The following SH2D3C variants were observed in gnomAD, a reference collection of about 807,000 sequenced individuals.
The protein encoded by SH2D3C is SH2 domain-containing protein 3C.
Under a neutral mutation model 75.2 loss-of-function variants are expected in SH2D3C, and 25 were observed. That is an observed-to-expected ratio of 0.33 (90% CI 0.24 to 0.46). The LOEUF (loss-of-function observed/expected upper bound fraction) is 0.46. Ranked by LOEUF, SH2D3C falls within the 20% of genes least tolerant of loss-of-function variation. The probability of loss-of-function intolerance (pLI) is 1.00; values close to 1 mark genes in which losing one functional copy is unlikely to be tolerated. For synonymous variants in SH2D3C, 450 were observed against 473.7 expected, an observed-to-expected ratio of 0.95 and a Z score of 0.65; for missense variants, 933 against 1,165.3, an observed-to-expected ratio of 0.80 and a Z score of 2.90.
Position 127,739,028 on chromosome 9 carries a change from G to T in SH2D3C, c.2408-107C>A. ...GGGACCTCCCCTCAACTCCGCCAGG[G>T]ATCCAACAAGGTTTGTGAATCAACA... On this transcript the variant is annotated intron_variant, in intron 11 of 11. Transcript: ENST00000314830. This position sits in a 1 kb window ranked among gnomAD's most constrained non-coding sequence, Gnocchi z 4.3. 9.9e-7 allele frequency: 1 copy of T among 1,006,438 alleles called. No individual in the cohort carries two copies. Among genetic ancestry groups the T allele is most frequent in the Non-Finnish European group, 1.4e-6 (1 of 727,792 alleles). 62.3% of individuals were successfully genotyped at this position (1,006,438 alleles called of 1,614,324 possible).
rs1844780641 is a variant in SH2D3C at position 127,739,420 on chromosome 9, G to A, written c.2407+262C>T. Among the ~76,000 whole-genome samples the A allele has an allele frequency of 6.6e-6, 1 of 152,072 alleles. No homozygotes were observed. The highest frequency in any genetic ancestry group is 2.4e-5 in the African/African-American group (1 of 41,386). ...AGCTACTCGGGAGGCTGAGGCAGGA[G>A]AATCGCTTGAACTTGGGAGGCGGAG... On this transcript the variant is annotated intron_variant, in intron 11 of 11. Transcript: ENST00000314830. The surrounding 1 kb of genome is among the most constrained non-coding windows in gnomAD (Gnocchi z 4.3).
chr9:127,739,682 C>G lies in SH2D3C; in HGVS notation c.2407G>C (p.Gly803Arg). 1 of 1,599,644 alleles carries G rather than the reference C, an allele frequency of 6.3e-7. No homozygotes were observed. The highest frequency in any genetic ancestry group is 8.5e-7 in the Non-Finnish European group (1 of 1,170,840). ...YHTNAEVKLQ[G>R]FQARPELLEV... ...CCCCAAGATGCCACCCGCCACTCAC[C>G]CTGCAGCTTGACTTCAGCATTGGTG... The change falls in exon 11 of 12, where the codon GGG (glycine) becomes CGG (arginine). Residue 803 changes from glycine to arginine, a missense_variant and splice_region_variant. Coordinates refer to ENST00000314830, the MANE Select transcript of SH2D3C (RefSeq NM_170600.3). The surrounding 1 kb of genome is among the most constrained non-coding windows in gnomAD (Gnocchi z 4.3).
At position 127,741,804 on chromosome 9, in the gene SH2D3C, G is replaced by A; in HGVS notation, c.2072C>T (p.Ala691Val). ...TCTCAGTACCTGGGCCATGTCCAGG[G>A]CACCCATGACCGCCGCGAAGCTGAA... The part of the protein sequence containing the change: ...NMFSFAAVMG[A>V]LDMAQISRLE... Residue 691 changes from alanine (A) to valine (V), a missense_variant, in exon 9 of 12, where the codon GCC (alanine) becomes GTC (valine). Coordinates refer to ENST00000314830, the MANE Select transcript of SH2D3C (RefSeq NM_170600.3). The A allele has an allele frequency of 2.5e-6, 4 of 1,613,142 alleles. No homozygotes were observed. Among genetic ancestry groups the A allele is most frequent in the Non-Finnish European group, 3.4e-6 (4 of 1,179,948 alleles).
intron 5 of SH2D3C, 27 bp from the exon 6 acceptor site, chr9:127,747,298 G>A: frequency 6.2e-7 from 1 of 1,604,080 alleles, no homozygotes; most frequent in Non-Finnish European, 8.5e-7. Context: ...ATCATGGGCA[G>A]GGAGCCCGGA....
chr9:127,748,185 GAGTA>G, intron 5 of SH2D3C, among the ~76,000 whole-genome samples: 1 of 152,300 alleles, frequency 6.6e-6, no homozygotes, highest in South Asian at 2.1e-4. Context: ...CTAGCAGGAA[GAGTA>G]GTGAGCCTTA....
chr9:127,761,636 G>T lies in SH2D3C; in HGVS notation c.530C>A (p.Pro177Gln), dbSNP rs1194041627. ...CTTCACATAGTCGCTGCCAGCCTCT[G>T]GCTCTCCAGCAGCCCTGGAAGGAGA... ...DVHSERAAGE[P>Q]EAGSDYVKFS... Residue 177 changes from proline to glutamine, a missense_variant, in exon 3 of 12, where the codon CCA becomes CAA. By Grantham distance (76) the Pro-to-Gln change is moderately conservative. Transcript: ENST00000314830. 6.2e-7 allele frequency: 1 copy of T among 1,612,240 alleles called. No individual in the cohort carries two copies. Among genetic ancestry groups the T allele is most frequent in the South Asian group, 1.1e-5 (1 of 90,698 alleles).
intron 1 of SH2D3C, among the ~76,000 whole-genome samples, chr9:127,777,502 T>C (rs7862620): frequency 0.042 from 3,968 of 94,168 alleles, 247 homozygotes; most frequent in African/African-American, 0.14. Flanking sequence ...GATCCCATGA[T>C]GCCCCCATCC....
At chr9:127,767,033 CG>C (rs1564424010) in intron 2 of SH2D3C, 1 of 1,536,174 alleles carries the variant, frequency 6.5e-7, no homozygotes, top group Non-Finnish European at 8.7e-7. Flanking sequence ...GATTCCCTGC[CG>C]GGAAGGCTCT....
chr9:127,744,532 T>G (rs1844964860), intron 7 of SH2D3C, 32 bp downstream of exon 7: 1 of 1,572,850 alleles, frequency 6.4e-7, no homozygotes, highest in Non-Finnish European at 8.7e-7. Flanking sequence ...ACAGAGATGC[T>G]CCCTCCACCC....
intron 8 of SH2D3C, 78 bp downstream of exon 8, chr9:127,742,771 G>T: frequency 3.5e-6 from 4 of 1,135,020 alleles, no homozygotes; most frequent in Non-Finnish European, 5.0e-6. Context: ...GGCTGTGATT[G>T]GCCAACCCGC....
intron 5 of SH2D3C, among the ~76,000 whole-genome samples, chr9:127,748,550 C>A (rs936375455): frequency 6.6e-6 from 1 of 152,196 alleles, no homozygotes; most frequent in Admixed American, 6.5e-5. Context: ...CGGCTTCCCC[C>A]CTCTAAGCCT....
At chr9:127,755,281 T>C (rs1477916745) in intron 3 of SH2D3C, 2 of 666,568 alleles carry the variant, frequency 3.0e-6, no homozygotes, top group African/African-American at 4.1e-5. Flanking sequence ...GATTACCTCA[T>C]CGCCTTGTCG....
chr9:127,757,781 G>A (rs911464466), intron 3 of SH2D3C, among the ~76,000 whole-genome samples: 3 of 151,906 alleles, frequency 2.0e-5, no homozygotes, highest in African/African-American at 7.3e-5. Context: ...ATCCTCCTGA[G>A]TAGCTGGGAT....
At chr9:127,761,774 C>A in intron 2 of SH2D3C, 124 bp from the exon 3 acceptor site, 1 of 691,070 alleles carries the variant, frequency 1.4e-6, no homozygotes, top group Non-Finnish European at 2.4e-6. Flanking sequence ...ACCCTGAAGG[C>A]AGGAGGGGGC....
At position 127,738,564 on chromosome 9, in the gene SH2D3C, A is replaced by G. The variant is rs1588484765; in HGVS notation, c.*182T>C. 1 of 514,118 alleles carries G rather than the reference A, an allele frequency of 1.9e-6. No homozygotes were observed. The highest frequency in any genetic ancestry group is 3.6e-5 in the East Asian group (1 of 27,860). 31.8% of individuals were successfully genotyped at this position (514,118 alleles called of 1,614,324 possible). On this transcript the variant is annotated 3_prime_UTR_variant, in exon 12 of 12. Coordinates refer to ENST00000314830, the MANE Select transcript of SH2D3C (RefSeq NM_170600.3). This position sits in a 1 kb window ranked among gnomAD's most constrained non-coding sequence, Gnocchi z 5.0. ...CTTCCTCAATGGAGACCTGGTGAGC[A>G]TGTAGCAGGTGGGATGGAACCCAGA...
At chr9:127,742,457 G>A (rs1315880361) in intron 8 of SH2D3C, among the ~76,000 whole-genome samples, 2 of 152,086 alleles carry the variant, frequency 1.3e-5, no homozygotes, top group Non-Finnish European at 2.9e-5. Flanking sequence ...GGCTGGTGTC[G>A]AACTCCTGAC....
At chr9:127,757,789 G>A (rs1233367131) in intron 3 of SH2D3C, among the ~76,000 whole-genome samples, 1 of 151,884 alleles carries the variant, frequency 6.6e-6, no homozygotes, top group East Asian at 1.9e-4. Context: ...GAGTAGCTGG[G>A]ATTACAGTAG....
rs976300643 is a variant in SH2D3C at position 127,742,046 on chromosome 9, G to A, written c.1917-87C>T. On this transcript the variant is annotated intron_variant, in intron 8 of 11. Transcript: ENST00000314830. ...GGGGCGCTGCCTGTGGTTGGGCCGG[G>A]AGAGGCGGAGGGCGGAGCCAACGTG... The A allele has an allele frequency of 4.5e-6, 6 of 1,332,758 alleles. No homozygotes were observed. In the Admixed American group the frequency reaches 9.6e-5, roughly 21 times the overall value. 82.6% of individuals were successfully genotyped at this position (1,332,758 alleles called of 1,614,324 possible).
intron 3 of SH2D3C, chr9:127,755,314 CG>C: frequency 6.4e-6 from 1 of 156,246 alleles, no homozygotes; most frequent in Non-Finnish European, 1.3e-5. Context: ...GGAGGCGGGG[CG>C]GGGAGACCCC....
Sources: gnomAD v4.1 joint callset for allele counts (sites outside exome capture counted in the v4.1 genomes callset) on GRCh38, gnomAD v4.1.1 for gene constraint, Gnocchi (gnomAD v3.1) non-coding constraint, MANE v1.5 for transcripts, NCBI Gene and HGNC (gene_info 2026-07-23, HGNC 2026-07-21) for gene names.